TMEFF2: variants seen among roughly 807,000 people sequenced by gnomAD.
TMEFF2 encodes transmembrane protein with EGF like and two follistatin like domains 2, also known as tomoregulin-2.
TMEFF2 carries 28 observed loss-of-function variants against 53.8 expected under a neutral mutation model. The ratio of observed to expected loss-of-function variants is 0.52; its 90% CI spans 0.39 to 0.71. The LOEUF is 0.71. TMEFF2 is among the 30% of genes least tolerant of loss of function. The probability of loss-of-function intolerance (pLI) is 0.00; values close to 1 mark genes in which losing one functional copy is unlikely to be tolerated. For synonymous variants in TMEFF2, 162 were observed against 166.3 expected (o/e 0.97, Z 0.20); for missense variants, 353 against 455.2 (o/e 0.78, Z 2.04).
At chr2:192,072,986 C>T (rs576031121) in intron 4 of TMEFF2, among the ~76,000 whole-genome samples, 106 of 152,030 alleles carry the variant, frequency 7.0e-4, no homozygotes, top group African/African-American at 2.5e-3. Context: ...TGACAAATCT[C>T]ATTCCTCCTC....
In TMEFF2 at chr2:191,949,509, C is replaced by T. The variant is rs1466757777; in HGVS notation, c.*802G>A. The stretch of plus-strand genomic sequence containing the variant: ...TCTAGTGGTGTTATTACATTTTTCC[C>T]CTGGTAATTCCACCCACCTAAATGG... On this transcript the variant is annotated 3_prime_UTR_variant, in exon 10 of 10. Coordinates refer to ENST00000272771, the MANE Select transcript of TMEFF2 (RefSeq NM_016192.4). 3 of 985,162 alleles carry T rather than the reference C, an allele frequency of 3.0e-6. No homozygotes were observed. Among genetic ancestry groups the T allele is most frequent in the South Asian group, 4.7e-5 (1 of 21,284 alleles). The allele number at this position is 985,162 out of a possible 1,614,324, so 61.0% of individuals were successfully genotyped here.
intron 1 of TMEFF2, among the ~76,000 whole-genome samples, chr2:192,193,035 G>A (rs1022387720): frequency 2.0e-5 from 3 of 152,168 alleles, no homozygotes; most frequent in South Asian, 2.1e-4. Flanking sequence ...AAATTAGAAT[G>A]ATGCATAATA....
chr2:192,000,649 A>G (rs1686334232), intron 5 of TMEFF2, among the ~76,000 whole-genome samples: 1 of 152,164 alleles, frequency 6.6e-6, no homozygotes, highest in Non-Finnish European at 1.5e-5. Context: ...TGATTGAGAG[A>G]GGCTTTGTAT....
chr2:192,158,959 T>C (rs1559150725), intron 4 of TMEFF2, among the ~76,000 whole-genome samples: 1 of 152,240 alleles, frequency 6.6e-6, no homozygotes, highest in East Asian at 1.9e-4. Context: ...GGTCGAGCGA[T>C]CATTTTTTTC....
chr2:192,038,265 A>G (rs562262503), intron 5 of TMEFF2, among the ~76,000 whole-genome samples: 2 of 152,248 alleles, frequency 1.3e-5, no homozygotes, highest in South Asian at 4.1e-4. Flanking sequence ...TTTAAGAGCT[A>G]AGTAAACTTA....
intron 4 of TMEFF2, among the ~76,000 whole-genome samples, chr2:192,134,126 C>G (rs1262034886): frequency 1.3e-5 from 2 of 152,172 alleles, no homozygotes; most frequent in Non-Finnish European, 2.9e-5. Context: ...TCAACTCACT[C>G]TCTACATTTC....
chr2:192,076,860 G>A (rs755496880), intron 4 of TMEFF2, among the ~76,000 whole-genome samples: 4 of 152,170 alleles, frequency 2.6e-5, no homozygotes, highest in Non-Finnish European at 5.9e-5. Flanking sequence ...CACAGGAAGT[G>A]CTTAGGTGTG....
chr2:192,175,298 C>T (rs1188543159), intron 4 of TMEFF2, among the ~76,000 whole-genome samples: 8 of 151,380 alleles, frequency 5.3e-5, no homozygotes. Context: ...TAGCAGTTCA[C>T]ATAATCAGAA....
chr2:192,150,223 AT>A (rs898090243), intron 4 of TMEFF2, among the ~76,000 whole-genome samples: 4 of 151,954 alleles, frequency 2.6e-5, no homozygotes, highest in Non-Finnish European at 4.4e-5. Flanking sequence ...CTCTAAAAAA[AT>A]ATACAAACAA....
intron 5 of TMEFF2, among the ~76,000 whole-genome samples, chr2:192,038,278 CAA>C (rs1357846700): frequency 6.6e-6 from 1 of 152,114 alleles, no homozygotes; most frequent in African/African-American, 2.4e-5. Flanking sequence ...TAAACTTAGA[CAA>C]GTTATTTAAC....
At chr2:192,001,928 C>CA (rs1349512826) in intron 5 of TMEFF2, among the ~76,000 whole-genome samples, 2 of 152,176 alleles carry the variant, frequency 1.3e-5, no homozygotes, top group African/African-American at 2.4e-5. Flanking sequence ...TGGTTAGAAT[C>CA]AGTGTTTCAC....
intron 4 of TMEFF2, among the ~76,000 whole-genome samples, chr2:192,074,415 C>T (rs1032758585): frequency 6.6e-6 from 1 of 151,656 alleles, no homozygotes; most frequent in Non-Finnish European, 1.5e-5. Flanking sequence ...GTTGGGTGAT[C>T]ATAAAATATT....
chr2:192,118,403 A>G (rs993060318), intron 4 of TMEFF2, among the ~76,000 whole-genome samples: 1 of 152,204 alleles, frequency 6.6e-6, no homozygotes, highest in South Asian at 2.1e-4. Context: ...GCTCTAAAAG[A>G]ATCAAAGTTT....
intron 4 of TMEFF2, among the ~76,000 whole-genome samples, chr2:192,134,234 A>G (rs1689938868): frequency 6.6e-6 from 1 of 152,112 alleles, no homozygotes; most frequent in African/African-American, 2.4e-5. Context: ...TAAGTCCCAC[A>G]ATTACCATTG....
At chr2:191,962,281 A>T (rs977684449) in intron 7 of TMEFF2, among the ~76,000 whole-genome samples, 1 of 152,214 alleles carries the variant, frequency 6.6e-6, no homozygotes, top group African/African-American at 2.4e-5. Flanking sequence ...ACAAACAGAA[A>T]TTCCTCTTCA....
At chr2:192,115,059 G>T in intron 4 of TMEFF2, among the ~76,000 whole-genome samples, 1 of 151,730 alleles carries the variant, frequency 6.6e-6, no homozygotes, top group South Asian at 2.1e-4. Context: ...AATTTGAATG[G>T]CATTTTTCTC....
At chr2:192,174,886 G>A (rs956068741) in intron 4 of TMEFF2, among the ~76,000 whole-genome samples, 1 of 151,690 alleles carries the variant, frequency 6.6e-6, no homozygotes, top group Non-Finnish European at 1.5e-5. Flanking sequence ...AGTGGAAAAG[G>A]TATGCTGGTT....
intron 5 of TMEFF2, among the ~76,000 whole-genome samples, chr2:192,000,214 G>A (rs986400646): frequency 3.3e-5 from 5 of 151,894 alleles, no homozygotes; most frequent in African/African-American, 1.2e-4. Flanking sequence ...TATTTATGTT[G>A]TTTTTGTAAA....
At chr2:192,073,948 T>C (rs533710029) in intron 4 of TMEFF2, among the ~76,000 whole-genome samples, 1 of 152,052 alleles carries the variant, frequency 6.6e-6, no homozygotes, top group East Asian at 1.9e-4. Context: ...TATTCCAGAA[T>C]AGATGAAACT....
Sources: gnomAD v4.1 joint callset for allele counts (sites outside exome capture counted in the v4.1 genomes callset) on GRCh38, gnomAD v4.1.1 for gene constraint, MANE v1.5 for transcripts, NCBI Gene and HGNC (gene_info 2026-07-23, HGNC 2026-07-21) for gene names.